The following CHRNB3 variants were observed in gnomAD, a reference collection of about 807,000 sequenced individuals.
CHRNB3 encodes the protein cholinergic receptor nicotinic beta 3 subunit.
In CHRNB3, 37 loss-of-function variants were observed where a neutral mutation model predicts 40.6. That is an observed-to-expected ratio of 0.91 (90% CI 0.70 to 1.20). The LOEUF is 1.20. CHRNB3 is among the 50% of genes most tolerant of loss of function. CHRNB3 has a pLI of 0.00. For missense variants in CHRNB3, 505 were observed against 551.2 expected, an observed-to-expected ratio of 0.92 and a Z score of 0.84; for synonymous variants, 207 against 207.1, an observed-to-expected ratio of 1.00 and a Z score of 0.00.
rs1816302202 is a variant in CHRNB3 at position 42,725,954 on chromosome 8, T to C, written c.250-4640T>C. ...AAACTCACGCCATCAATCCTTTCGA[T>C]GCGTACAACAAAGGCCAAGGAATGT... On this transcript the variant is annotated intron_variant, in intron 3 of 5. Transcript: ENST00000289957. 16 of 1,088,276 alleles carry C rather than the reference T, an allele frequency of 1.5e-5. No individual in the cohort carries two copies. The South Asian group carries it at 1.9e-4, about 13-fold the overall frequency. 67.4% of individuals were successfully genotyped at this position (1,088,276 alleles called of 1,614,324 possible).
At chr8:42,710,513 A>G (rs916182165) in intron 3 of CHRNB3, 79 bp downstream of exon 3, 3 of 1,130,226 alleles carry the variant, frequency 2.7e-6, no homozygotes, top group Middle Eastern at 2.0e-4. Flanking sequence ...CTGAAAAACA[A>G]TTATTTAAGA....
At chr8:42,728,793 T>A (rs1816351104) in intron 3 of CHRNB3, among the ~76,000 whole-genome samples, 2 of 152,138 alleles carry the variant, frequency 1.3e-5, no homozygotes, top group Admixed American at 6.5e-5. Context: ...ATACAGCTAT[T>A]TGCATTAATA....
At chr8:42,729,099 G>A (rs529374868) in intron 3 of CHRNB3, among the ~76,000 whole-genome samples, 11 of 152,204 alleles carry the variant, frequency 7.2e-5, no homozygotes, top group South Asian at 2.1e-4. Context: ...TTTCATATGC[G>A]TGATTTCCCA....
intron 5 of CHRNB3, among the ~76,000 whole-genome samples, chr8:42,734,259 CAAAA>C (rs769371275): frequency 6.8e-3 from 163 of 23,942 alleles, no homozygotes; most frequent in African/African-American, 0.019. Flanking sequence ...GACTCCATCT[CAAAA>C]AAAAAAAAAA....
chr8:42,698,757 T>C lies in CHRNB3; in HGVS notation c.52+1159T>C, dbSNP rs532025741. ...TGAGCTTACCATTAATGTACGTGTG[T>C]CTGATGTTTTTCTGTCTTTATTATT... On this transcript the variant is annotated intron_variant, in intron 1 of 5. Coordinates refer to ENST00000289957, the MANE Select transcript of CHRNB3 (RefSeq NM_000749.5). 2.8e-4 allele frequency among the ~76,000 whole-genome samples: 43 copies of C among 152,306 alleles called. 1 individual carries two copies. Among genetic ancestry groups the C allele is most frequent in the African/African-American group, 9.4e-4 (39 of 41,562 alleles).
chr8:42,724,920 T>C (rs1034022912), intron 3 of CHRNB3, among the ~76,000 whole-genome samples: 1 of 149,836 alleles, frequency 6.7e-6, no homozygotes, highest in African/African-American at 2.5e-5. Context: ...GAGGCGGAGG[T>C]TGCAGTGAGC....
rs1039378552 is a variant in CHRNB3, at chr8:42,717,471, A to G, written c.249+7037A>G. Reference sequence around the variant, plus strand: ...TGGGTGATCTCCCCAAAAGTCTACCATCCGCAACCTGGAATGGCACTTACA... The same window carrying G: ...TGGGTGATCTCCCCAAAAGTCTACCGTCCGCAACCTGGAATGGCACTTACA... On this transcript the variant is annotated intron_variant, in intron 3 of 5. Transcript: ENST00000289957. Among the ~76,000 whole-genome samples the G allele has an allele frequency of 2.7e-5, 4 of 149,986 alleles. No individual in the cohort carries two copies. The South Asian group carries it at 8.6e-4, about 32-fold the overall frequency.
At chr8:42,711,177 A>G (rs1816009231) in intron 3 of CHRNB3, among the ~76,000 whole-genome samples, 1 of 151,984 alleles carries the variant, frequency 6.6e-6, no homozygotes, top group South Asian at 2.1e-4. Flanking sequence ...ATAGCAGGTA[A>G]GAAGTTTGGT....
chr8:42,713,745 G>A (rs116422622), intron 3 of CHRNB3, among the ~76,000 whole-genome samples: 2,182 of 152,174 alleles, frequency 0.014, 47 homozygotes, highest in African/African-American at 0.049. Flanking sequence ...ATTCACAAAT[G>A]CATAAATGAG....
intron 5 of CHRNB3, among the ~76,000 whole-genome samples, chr8:42,734,205 G>A (rs1177972538): frequency 7.6e-6 from 1 of 130,938 alleles, no homozygotes; most frequent in African/African-American, 3.0e-5. Context: ...GCAGTGAGCT[G>A]AGAGTGCACC....
At chr8:42,711,764 T>C (rs1391018735) in intron 3 of CHRNB3, among the ~76,000 whole-genome samples, 2 of 152,148 alleles carry the variant, frequency 1.3e-5, no homozygotes, top group Non-Finnish European at 2.9e-5. Context: ...ATGCTGGGGT[T>C]TGGGCTTCTA....
chr8:42,706,913 A>AC (rs1221883361), intron 1 of CHRNB3, among the ~76,000 whole-genome samples: 1 of 152,048 alleles, frequency 6.6e-6, no homozygotes, highest in South Asian at 2.1e-4. Context: ...GGGGTGTGCC[A>AC]CCATGCCCGG....
chr8:42,712,859 CTTTTTTTTTT>C (rs567650103), intron 3 of CHRNB3, among the ~76,000 whole-genome samples: 1 of 114,750 alleles, frequency 8.7e-6, no homozygotes, highest in African/African-American at 3.1e-5. Flanking sequence ...CCACTGCTCT[CTTTTTTTTTT>C]TTTTTTTTTT....
chr8:42,725,997 G>T, intron 3 of CHRNB3: 1 of 1,147,046 alleles, frequency 8.7e-7, no homozygotes, highest in South Asian at 1.2e-5. Context: ...GCAATTCCAA[G>T]GTGTGGTTTC....
chr8:42,721,589 TG>T (rs1279120782), intron 3 of CHRNB3, among the ~76,000 whole-genome samples: 6 of 152,028 alleles, frequency 3.9e-5, no homozygotes, highest in South Asian at 2.1e-4. Flanking sequence ...CTGGGCATGG[TG>T]GTGCACTCCT....
At chr8:42,714,474 G>A (rs1816068637) in intron 3 of CHRNB3, among the ~76,000 whole-genome samples, 2 of 151,856 alleles carry the variant, frequency 1.3e-5, no homozygotes, top group Admixed American at 1.3e-4. Flanking sequence ...GACAGAGCAA[G>A]ACTCTGTCTC....
At chr8:42,735,255 A>G (rs1366245852) in intron 5 of CHRNB3, among the ~76,000 whole-genome samples, 6 of 136,824 alleles carry the variant, frequency 4.4e-5, no homozygotes, top group African/African-American at 1.4e-4. Flanking sequence ...ACACTAATAC[A>G]GGCCGGGTGT....
chr8:42,700,775 T>C (rs182861329), intron 1 of CHRNB3, among the ~76,000 whole-genome samples: 1 of 152,334 alleles, frequency 6.6e-6, no homozygotes, highest in African/African-American at 2.4e-5. Flanking sequence ...TAACAGGTTA[T>C]TGGATTTAGT....
chr8:42,701,989 T>C (rs1815813711), intron 1 of CHRNB3, among the ~76,000 whole-genome samples: 1 of 152,212 alleles, frequency 6.6e-6, no homozygotes, highest in Non-Finnish European at 1.5e-5. Flanking sequence ...CCAGAACCCA[T>C]GGTCTCTAAA....
Sources: allele counts gnomAD v4.1 joint callset (sites outside exome capture counted in the v4.1 genomes callset), GRCh38; gene constraint gnomAD v4.1.1; transcripts MANE v1.5; gene names NCBI Gene and HGNC (gene_info 2026-07-23, HGNC 2026-07-21).